NEGR1: variants seen among roughly 807,000 people sequenced by gnomAD.
NEGR1 encodes IgLON family member 4.
A neutral mutation model predicts 40.9 loss-of-function variants in NEGR1; 10 were observed. The observed-to-expected ratio is 0.24, with a 90% CI of 0.15 to 0.42. The LOEUF (loss-of-function observed/expected upper bound fraction) is 0.42. Among genes scored for constraint, NEGR1 ranks in the 10% least tolerant of loss-of-function variants. The probability of loss-of-function intolerance (pLI) is 1.00; values close to 1 mark genes in which losing one functional copy is unlikely to be tolerated. For missense variants in NEGR1, 352 were observed against 438.9 expected, an observed-to-expected ratio of 0.80 and a Z score of 1.77; for synonymous variants, 185 against 166.8, an observed-to-expected ratio of 1.11 and a Z score of -0.84.
At chr1:71,803,763 C>T (rs55639051) in intron 2 of NEGR1, among the ~76,000 whole-genome samples, 4,546 of 152,214 alleles carry the variant, frequency 0.03, 218 homozygotes, top group African/African-American at 0.1. Flanking sequence ...CACCTTCTGA[C>T]GTATTACATA....
At chr1:71,813,989 A>T (rs535987953) in intron 2 of NEGR1, among the ~76,000 whole-genome samples, 1 of 152,090 alleles carries the variant, frequency 6.6e-6, no homozygotes, top group East Asian at 1.9e-4. Context: ...GTGAGAGATG[A>T]CATCCTTGTC....
chr1:71,682,754 G>A (rs891164843), intron 4 of NEGR1, among the ~76,000 whole-genome samples: 3 of 152,160 alleles, frequency 2.0e-5, no homozygotes, highest in Non-Finnish European at 4.4e-5. Context: ...TATTTTGGTC[G>A]TGGGGGCAGG....
chr1:72,110,143 C>T (rs527712572), intron 1 of NEGR1, among the ~76,000 whole-genome samples: 6 of 147,956 alleles, frequency 4.1e-5, no homozygotes, highest in Admixed American at 6.8e-5. Context: ...AAGTATTATA[C>T]GCACGTAATT....
intron 1 of NEGR1, among the ~76,000 whole-genome samples, chr1:72,225,180 A>G (rs1328426925): frequency 6.6e-6 from 1 of 151,992 alleles, no homozygotes; most frequent in African/African-American, 2.4e-5. Flanking sequence ...TCTATATCAT[A>G]TAGCCCAGAG....
chr1:71,901,869 C>T (rs1423322862), intron 2 of NEGR1, among the ~76,000 whole-genome samples: 1 of 151,830 alleles, frequency 6.6e-6, no homozygotes, highest in Admixed American at 6.6e-5. Context: ...CGGGATTTCA[C>T]CATGTTGGTC....
chr1:72,087,376 A>T (rs550944125), intron 1 of NEGR1, among the ~76,000 whole-genome samples: 1 of 152,150 alleles, frequency 6.6e-6, no homozygotes, highest in East Asian at 1.9e-4. Flanking sequence ...GGTTGCAGTG[A>T]GCCAAGATTG....
chr1:72,231,531 T>C (rs191214551), intron 1 of NEGR1, among the ~76,000 whole-genome samples: 1 of 152,296 alleles, frequency 6.6e-6, no homozygotes, highest in Non-Finnish European at 1.5e-5. Context: ...AACTATAGTA[T>C]TATGTGTTTG....
intron 2 of NEGR1, among the ~76,000 whole-genome samples, chr1:71,854,131 C>T (rs1446764180): frequency 6.6e-6 from 1 of 152,072 alleles, no homozygotes; most frequent in African/African-American, 2.4e-5. Flanking sequence ...TTGCCCTATA[C>T]CTTGTCAACC....
At chr1:71,571,971 A>G (rs1194848278) in intron 6 of NEGR1, among the ~76,000 whole-genome samples, 1 of 152,096 alleles carries the variant, frequency 6.6e-6, no homozygotes, top group African/African-American at 2.4e-5. Flanking sequence ...GAAACTGGGC[A>G]GGGCTGACAG....
chr1:72,065,338 A>C (rs563695830), intron 1 of NEGR1, among the ~76,000 whole-genome samples: 1 of 152,076 alleles, frequency 6.6e-6, no homozygotes, highest in Non-Finnish European at 1.5e-5. Flanking sequence ...TACTGCCCTC[A>C]TAATTTACTG....
intron 6 of NEGR1, among the ~76,000 whole-genome samples, chr1:71,566,300 G>T (rs1228611301): frequency 1.3e-5 from 2 of 151,960 alleles, no homozygotes; most frequent in Non-Finnish European, 2.9e-5. Flanking sequence ...TTAGTCATGA[G>T]AAAAATATAT....
At chr1:72,194,896 T>TG (rs1239157310) in intron 1 of NEGR1, among the ~76,000 whole-genome samples, 1 of 152,062 alleles carries the variant, frequency 6.6e-6, no homozygotes, top group East Asian at 1.9e-4. Flanking sequence ...GGGTTTCAAA[T>TG]GGGGATGATG....
intron 6 of NEGR1, among the ~76,000 whole-genome samples, chr1:71,513,856 AGT>A (rs1334392847): frequency 2.7e-5 from 4 of 149,726 alleles, no homozygotes; most frequent in East Asian, 4.0e-4. Context: ...TGCGCAGGCC[AGT>A]GTGTGTGCGC....
chr1:71,794,506 T>G (rs1428341080), intron 2 of NEGR1: 1 of 151,974 alleles, frequency 6.6e-6, no homozygotes, highest in Non-Finnish European at 1.5e-5. Context: ...TGTAGAAAGA[T>G]TCAATCAATG....
At chr1:72,254,429 G>A (rs900658938) in intron 1 of NEGR1, among the ~76,000 whole-genome samples, 4 of 151,990 alleles carry the variant, frequency 2.6e-5, no homozygotes, top group African/African-American at 9.7e-5. Context: ...TAGGCCAGGC[G>A]TGGTGGCTCA....
At chr1:71,598,175 C>T (rs530857922) in intron 5 of NEGR1, among the ~76,000 whole-genome samples, 39 of 152,122 alleles carry the variant, frequency 2.6e-4, no homozygotes, top group African/African-American at 7.2e-4. Context: ...TGGTACCCTC[C>T]GAAAGTAGCA....
At chr1:71,898,082 C>G (rs188356712) in intron 2 of NEGR1, among the ~76,000 whole-genome samples, 46 of 152,248 alleles carry the variant, frequency 3.0e-4, no homozygotes, top group South Asian at 1.7e-3. Flanking sequence ...AAAGAATACT[C>G]ATTATCTAGG....
At chr1:72,231,190 TC>T (rs746624361) in intron 1 of NEGR1, among the ~76,000 whole-genome samples, 2 of 152,188 alleles carry the variant, frequency 1.3e-5, no homozygotes, top group African/African-American at 4.8e-5. Flanking sequence ...TCAGACTGAC[TC>T]CTGAAGATTG....
At chr1:71,538,650 C>T (rs961412886) in intron 6 of NEGR1, among the ~76,000 whole-genome samples, 2 of 151,658 alleles carry the variant, frequency 1.3e-5, no homozygotes, top group Admixed American at 6.6e-5. Context: ...TTACTTTTCA[C>T]CTTTATGAGA....
Sources: allele counts gnomAD v4.1 joint callset (sites outside exome capture counted in the v4.1 genomes callset), GRCh38; gene constraint gnomAD v4.1.1; transcripts MANE v1.5; gene names NCBI Gene and HGNC (gene_info 2026-07-23, HGNC 2026-07-21).